The following NEK11 variants were observed in gnomAD, a reference collection of about 807,000 sequenced individuals.
The protein encoded by NEK11 is serine/threonine-protein kinase Nek11.
Under a neutral mutation model 80.7 loss-of-function variants are expected in NEK11, and 72 were observed. That is an observed-to-expected ratio of 0.89 (90% confidence interval 0.74 to 1.08). NEK11 has a LOEUF of 1.08. NEK11 is among the 50% of genes least tolerant of loss of function. The probability of loss-of-function intolerance (pLI) is 0.00; values close to 1 mark genes in which losing one functional copy is unlikely to be tolerated. For missense variants in NEK11, 764 were observed against 763.6 expected (o/e 1.00, Z -0.01); for synonymous variants, 251 against 260.7 (o/e 0.96, Z 0.36).
intron 14 of NEK11, among the ~76,000 whole-genome samples, chr3:131,188,025 C>T (rs558412663): frequency 1.3e-5 from 2 of 152,176 alleles, no homozygotes; most frequent in East Asian, 3.9e-4. Flanking sequence ...AGCAAATAAA[C>T]AAACCCTGAG....
At chr3:131,323,828 C>T (rs1054062387) in intron 17 of NEK11, among the ~76,000 whole-genome samples, 2 of 152,156 alleles carry the variant, frequency 1.3e-5, no homozygotes, top group Non-Finnish European at 2.9e-5. Flanking sequence ...AAATTTCACA[C>T]CTCATGTGTG....
chr3:131,262,912 T>C (rs1480339479), intron 16 of NEK11, among the ~76,000 whole-genome samples: 2 of 151,422 alleles, frequency 1.3e-5, no homozygotes, highest in East Asian at 1.9e-4. Context: ...GAACATGCAA[T>C]GTTTGGTTTT....
At chr3:131,088,588 T>A (rs184047565) in intron 4 of NEK11, among the ~76,000 whole-genome samples, 2,848 of 152,132 alleles carry the variant, frequency 0.019, 41 homozygotes, top group African/African-American at 0.044. Flanking sequence ...GGTTTTTTTT[T>A]AAAAAACCCT....
chr3:131,302,831 TG>T, intron 17 of NEK11, among the ~76,000 whole-genome samples: 1 of 152,172 alleles, frequency 6.6e-6, no homozygotes, highest in East Asian at 1.9e-4. Flanking sequence ...TTCTGTTGTT[TG>T]GGGTGGAGAG....
chr3:131,115,966 C>CTTTCTT (rs1553878583), intron 5 of NEK11, among the ~76,000 whole-genome samples: 13 of 140,946 alleles, frequency 9.2e-5, no homozygotes, highest in Non-Finnish European at 1.7e-4. Context: ...TTCTTTCTTT[C>CTTTCTT]TTTCTTTCTT....
At chr3:131,347,637 A>C (rs1011766624) in intron 17 of NEK11, among the ~76,000 whole-genome samples, 2 of 152,186 alleles carry the variant, frequency 1.3e-5, no homozygotes, top group African/African-American at 4.8e-5. Context: ...TTGTGAAAAA[A>C]GGCCGGACAC....
At chr3:131,041,113 T>C (rs769480796) in intron 3 of NEK11, among the ~76,000 whole-genome samples, 4 of 152,204 alleles carry the variant, frequency 2.6e-5, no homozygotes, top group Non-Finnish European at 5.9e-5. Flanking sequence ...CTTTTTGCAA[T>C]ATTGGATTTG....
chr3:131,175,180 C>T, intron 14 of NEK11: 3 of 892,560 alleles, frequency 3.4e-6, no homozygotes, highest in East Asian at 2.3e-4. Context: ...AAGAAAACCT[C>T]TACTCACTCA....
rs549727138 is a variant in NEK11, at chr3:131,131,561, C to T, written c.456-1184C>T. 1.8e-4 allele frequency among the ~76,000 whole-genome samples: 27 copies of T among 152,024 alleles called. No homozygotes were observed. In the East Asian group the frequency reaches 2.7e-3, roughly 15 times the overall value. Reference sequence around the variant, plus strand: ...TTAATGTCCACGGAATCTGTAGTGACGCCCTCTCTTTCATTTTTGATTTTA... The same window carrying T: ...TTAATGTCCACGGAATCTGTAGTGATGCCCTCTCTTTCATTTTTGATTTTA... On this transcript the variant is annotated intron_variant, in intron 5 of 17. Coordinates refer to ENST00000383366, the MANE Select transcript of NEK11 (RefSeq NM_024800.5).
At chr3:131,050,395 G>A (rs777563363) in intron 3 of NEK11, among the ~76,000 whole-genome samples, 11 of 152,236 alleles carry the variant, frequency 7.2e-5, no homozygotes, top group Non-Finnish European at 1.0e-4. Context: ...CCTGCTGGTC[G>A]TGCTGCACGG....
At chr3:131,215,758 G>T (rs1052474170) in intron 14 of NEK11, among the ~76,000 whole-genome samples, 3 of 152,164 alleles carry the variant, frequency 2.0e-5, no homozygotes, top group Non-Finnish European at 2.9e-5. Context: ...CCTTCTCTTT[G>T]CAGAGGTGGG....
intron 14 of NEK11, among the ~76,000 whole-genome samples, chr3:131,216,599 T>C (rs1014568462): frequency 5.3e-5 from 8 of 152,076 alleles, no homozygotes; most frequent in Non-Finnish European, 1.0e-4. Context: ...TTCTCTGGCT[T>C]GAACATTGGT....
intron 17 of NEK11, among the ~76,000 whole-genome samples, chr3:131,277,016 T>C (rs2096304094): frequency 6.6e-6 from 1 of 152,244 alleles, no homozygotes. Context: ...TTGTAAGATA[T>C]CTCTTACTGT....
chr3:131,245,458 G>C (rs1033576051), intron 16 of NEK11, among the ~76,000 whole-genome samples: 2 of 151,900 alleles, frequency 1.3e-5, no homozygotes, highest in African/African-American at 4.8e-5. Flanking sequence ...CTTTTCCTTT[G>C]GGTATATACC....
chr3:131,072,248 C>G (rs1313774985), intron 3 of NEK11: 1 of 152,236 alleles, frequency 6.6e-6, no homozygotes, highest in Non-Finnish European at 1.5e-5. Context: ...GTTTCTGCCA[C>G]TCATGTTAGG....
chr3:131,221,842 T>C (rs1243776259), intron 14 of NEK11, among the ~76,000 whole-genome samples: 1 of 152,202 alleles, frequency 6.6e-6, no homozygotes, highest in Non-Finnish European at 1.5e-5. Context: ...ACGAGTGGCA[T>C]AGTTAGAAAT....
At chr3:131,132,208 C>T (rs1447864538) in intron 5 of NEK11, among the ~76,000 whole-genome samples, 1 of 151,716 alleles carries the variant, frequency 6.6e-6, no homozygotes, top group Non-Finnish European at 1.5e-5. Context: ...CTTTATTCGG[C>T]ATTTTAGTTT....
At chr3:131,087,294 C>T (rs992200222) in intron 4 of NEK11, among the ~76,000 whole-genome samples, 14 of 130,360 alleles carry the variant, frequency 1.1e-4, no homozygotes, top group Non-Finnish European at 1.7e-4. Context: ...GGCTGGAGTG[C>T]AATGAATGGC....
chr3:131,326,226 C>G (rs2096964245), intron 17 of NEK11: 1 of 152,192 alleles, frequency 6.6e-6, no homozygotes, highest in African/African-American at 2.4e-5. Context: ...TTGCTCTTGG[C>G]TGCAGCTCCT....
Sources: allele counts gnomAD v4.1 joint callset (sites outside exome capture counted in the v4.1 genomes callset), GRCh38; gene constraint gnomAD v4.1.1; transcripts MANE v1.5; gene names NCBI Gene and HGNC (gene_info 2026-07-23, HGNC 2026-07-21).